The following DIP2C variants were observed in gnomAD, a reference collection of about 807,000 sequenced individuals.
DIP2C encodes the protein DIP2 acetate--CoA ligase C (putative).
DIP2C carries 33 observed loss-of-function variants against 192.4 expected under a neutral mutation model. The ratio of observed to expected loss-of-function variants is 0.17; its 90% confidence interval spans 0.13 to 0.23. DIP2C has a LOEUF of 0.23. DIP2C is among the 10% of genes least tolerant of loss of function. The pLI, the probability that DIP2C is intolerant of heterozygous loss-of-function variation, is 1.00. For synonymous variants in DIP2C, 979 were observed against 864.1 expected (o/e 1.13, Z -2.33); for missense variants, 1,537 against 2,110.1 (o/e 0.73, Z 5.32).
chr10:277,926 C>T (rs1232960241), intron 36 of DIP2C, among the ~76,000 whole-genome samples: 2 of 152,268 alleles, frequency 1.3e-5, no homozygotes, highest in Non-Finnish European at 1.5e-5. Context: ...AATGCCCTCA[C>T]TGAACAGTGC....
chr10:614,729 A>T (rs1853330921), intron 1 of DIP2C, among the ~76,000 whole-genome samples: 1 of 152,240 alleles, frequency 6.6e-6, no homozygotes, highest in South Asian at 2.1e-4. Flanking sequence ...CTTTATTCTA[A>T]TGAAATTTAA....
intron 1 of DIP2C, among the ~76,000 whole-genome samples, chr10:591,044 C>CA (rs1473082871): frequency 6.6e-6 from 1 of 152,212 alleles, no homozygotes; most frequent in Non-Finnish European, 1.5e-5. Context: ...AACACACATC[C>CA]AATTCATCCT....
chr10:571,282 G>T (rs907656889), intron 1 of DIP2C, among the ~76,000 whole-genome samples: 2 of 152,180 alleles, frequency 1.3e-5, no homozygotes, highest in African/African-American at 4.8e-5. Context: ...CACATCTCAG[G>T]TCAGCAACAG....
intron 1 of DIP2C, among the ~76,000 whole-genome samples, chr10:572,412 C>T (rs1351991107): frequency 6.6e-6 from 1 of 152,194 alleles, no homozygotes; most frequent in African/African-American, 2.4e-5. Flanking sequence ...ATCACGGGGT[C>T]CCCATTCCAG....
At chr10:584,320 T>TA (rs1459462417) in intron 1 of DIP2C, among the ~76,000 whole-genome samples, 6 of 152,314 alleles carry the variant, frequency 3.9e-5, no homozygotes, top group Admixed American at 3.9e-4. Context: ...CAGGAACATC[T>TA]TTACCAAGCA....
At chr10:577,859 T>C (rs998090636) in intron 1 of DIP2C, among the ~76,000 whole-genome samples, 1 of 151,866 alleles carries the variant, frequency 6.6e-6, no homozygotes, top group Non-Finnish European at 1.5e-5. Flanking sequence ...AGAAAGAACT[T>C]AAGAACCTTT....
intron 1 of DIP2C, among the ~76,000 whole-genome samples, chr10:539,763 TAAAGGAATCACACTCATACTG>T (rs1370888203): frequency 6.6e-6 from 1 of 152,232 alleles, no homozygotes; most frequent in African/African-American, 2.4e-5. Context: ...ATTAAATTCT[TAAAGGAATCACACTCATACTG>T]TAAGCTGCTT....
intron 1 of DIP2C, among the ~76,000 whole-genome samples, chr10:610,656 CTG>C (rs1491075596): frequency 6.6e-6 from 1 of 152,248 alleles, no homozygotes; most frequent in South Asian, 2.1e-4. Context: ...CATGGTGTGG[CTG>C]TGTGTCCCCA....
At chr10:575,599 A>C (rs1850099938) in intron 1 of DIP2C, among the ~76,000 whole-genome samples, 1 of 152,246 alleles carries the variant, frequency 6.6e-6, no homozygotes, top group Non-Finnish European at 1.5e-5. Flanking sequence ...ATAGCTCAGC[A>C]TCATCAAAAC....
intron 17 of DIP2C, among the ~76,000 whole-genome samples, chr10:377,618 C>T (rs1961778203): frequency 6.6e-6 from 1 of 152,218 alleles, no homozygotes; most frequent in South Asian, 2.1e-4. Flanking sequence ...CTTTTCCGAG[C>T]AGTGGGAAGT....
intron 1 of DIP2C, among the ~76,000 whole-genome samples, chr10:624,875 C>G (rs1251765861): frequency 6.6e-6 from 1 of 151,188 alleles, no homozygotes; most frequent in Non-Finnish European, 1.5e-5. Context: ...CGGGAGAACC[C>G]GGGGGGGGAG....
intron 1 of DIP2C, among the ~76,000 whole-genome samples, chr10:512,975 G>A (rs1554887254): frequency 6.7e-6 from 1 of 150,274 alleles, no homozygotes; most frequent in Non-Finnish European, 1.5e-5. Flanking sequence ...TAAGGGAAGG[G>A]AGAAGAACAT....
At chr10:674,971 CA>C (rs1243220647) in intron 1 of DIP2C, among the ~76,000 whole-genome samples, 2 of 151,768 alleles carry the variant, frequency 1.3e-5, no homozygotes, top group Admixed American at 1.3e-4. Context: ...ACATTTCATC[CA>C]ACAGATACAA....
chr10:631,506 C>T (rs541429791), intron 1 of DIP2C, among the ~76,000 whole-genome samples: 19 of 152,214 alleles, frequency 1.2e-4, no homozygotes, highest in South Asian at 8.3e-4. Context: ...CTGGCGACAG[C>T]GGATGATGAA....
intron 1 of DIP2C, among the ~76,000 whole-genome samples, chr10:634,335 G>A (rs1359578151): frequency 2.0e-5 from 3 of 152,136 alleles, no homozygotes; most frequent in South Asian, 4.1e-4. Context: ...TCACCTGCCC[G>A]TCCAAGGCAG....
intron 1 of DIP2C, among the ~76,000 whole-genome samples, chr10:616,464 C>T (rs1249890584): frequency 6.6e-6 from 1 of 152,154 alleles, no homozygotes; most frequent in East Asian, 1.9e-4. Context: ...TCTGCATTTC[C>T]CAAGCCTGTC....
At position 321,634 on chromosome 10, in the gene DIP2C, C is replaced by G. The variant is rs80210391; in HGVS notation, c.3924+5372G>C. On this transcript the variant is annotated intron_variant, in intron 31 of 36. Transcript: ENST00000280886. ...AGAACAGTCAGTCGGGGGTGCGGGG[C>G]TCCGGCGAGAGACCGGCGCTGTTAG... is the stretch of plus-strand genomic sequence containing the variant. Among the ~76,000 whole-genome samples, 296 of 94,168 alleles carry G rather than the reference C, an allele frequency of 3.1e-3. 3 individuals carry two copies. The highest frequency in any genetic ancestry group is 6.5e-3 in the South Asian group (15 of 2,292). The allele number at this position is 94,168 out of a possible 152,430, so 61.8% of individuals were successfully genotyped here. A position where few individuals can be genotyped will look rare whatever the true frequency, so the allele number is the denominator to read the frequency against.
intron 1 of DIP2C, among the ~76,000 whole-genome samples, chr10:546,295 GTAAC>G (rs1848283172): frequency 1.5e-5 from 2 of 137,378 alleles, no homozygotes; most frequent in South Asian, 4.6e-4. Context: ...AAAAAAAAAA[GTAAC>G]AAATTTATTT....
intron 1 of DIP2C, among the ~76,000 whole-genome samples, chr10:520,353 T>C (rs1352660825): frequency 2.0e-5 from 3 of 152,362 alleles, no homozygotes; most frequent in East Asian, 3.9e-4. Flanking sequence ...ACGTGTGCGT[T>C]ACCTGCAGAA....
Sources: allele counts gnomAD v4.1 joint callset (sites outside exome capture counted in the v4.1 genomes callset), GRCh38; gene constraint gnomAD v4.1.1; transcripts MANE v1.5; gene names NCBI Gene and HGNC (gene_info 2026-07-23, HGNC 2026-07-21).